Variants in TENM4 observed in about 807,000 individuals in gnomAD.
TENM4 encodes the protein teneurin transmembrane protein 4.
Under a neutral mutation model 243.3 loss-of-function variants are expected in TENM4, and 82 were observed. The observed-to-expected ratio is 0.34, with a 90% CI of 0.28 to 0.40. TENM4 has a LOEUF of 0.40. Ranked by LOEUF, TENM4 falls within the 10% of genes least tolerant of loss-of-function variation. The pLI, the probability that TENM4 is intolerant of heterozygous loss-of-function variation, is 1.00. For missense variants in TENM4, 3,138 were observed against 3,673.3 expected (o/e 0.85, Z 3.77); for synonymous variants, 1,412 against 1,456.3 (o/e 0.97, Z 0.69).
intron 5 of TENM4, among the ~76,000 whole-genome samples, chr11:79,066,682 ACG>A (rs1437375753): frequency 5.2e-4 from 78 of 151,190 alleles, no homozygotes; most frequent in African/African-American, 1.9e-3. Context: ...ACACACACGC[ACG>A]CATGCACACT....
intron 6 of TENM4, among the ~76,000 whole-genome samples, chr11:78,983,556 T>C (rs1857850818): frequency 6.6e-6 from 1 of 152,236 alleles, no homozygotes; most frequent in Non-Finnish European, 1.5e-5. Flanking sequence ...GGGGTTCTGA[T>C]GAAAAACCGA....
chr11:79,030,284 G>A (rs1021034528), intron 6 of TENM4, among the ~76,000 whole-genome samples: 2 of 152,140 alleles, frequency 1.3e-5, no homozygotes, highest in Non-Finnish European at 2.9e-5. Flanking sequence ...AAGGGAAATT[G>A]AGCCTCGAAG....
chr11:78,982,276 C>T (rs1857815717), intron 6 of TENM4, among the ~76,000 whole-genome samples: 1 of 152,102 alleles, frequency 6.6e-6, no homozygotes, highest in Non-Finnish European at 1.5e-5. Flanking sequence ...TGTGACACTC[C>T]TTGTCTAACA....
At chr11:78,757,732 C>A (rs755504801) in intron 18 of TENM4, among the ~76,000 whole-genome samples, 1 of 152,230 alleles carries the variant, frequency 6.6e-6, no homozygotes, top group Non-Finnish European at 1.5e-5. Flanking sequence ...CAATTCTCAG[C>A]GTCTCTCCCA....
chr11:79,253,855 A>G (rs1471915299), intron 2 of TENM4, among the ~76,000 whole-genome samples: 2 of 152,194 alleles, frequency 1.3e-5, no homozygotes, highest in Non-Finnish European at 2.9e-5. Flanking sequence ...AATCCAGTAG[A>G]AAAAAATAGA....
intron 2 of TENM4, among the ~76,000 whole-genome samples, chr11:79,247,435 AAAAAG>A (rs1208413039): frequency 7.9e-5 from 12 of 150,990 alleles, no homozygotes; most frequent in South Asian, 4.2e-4. Flanking sequence ...AAAAAAAAAA[AAAAAG>A]AAGAAGAAGA....
Position 78,903,256 on chromosome 11 carries a change from C to G in TENM4, c.749+12G>C. 2 of 1,488,040 alleles carry G rather than the reference C, an allele frequency of 1.3e-6. No individual in the cohort carries two copies. Among genetic ancestry groups the G allele is most frequent in the African/African-American group, 3.0e-5 (2 of 67,526 alleles). 92.2% of individuals were successfully genotyped at this position (1,488,040 alleles called of 1,614,324 possible). A position where few individuals can be genotyped will look rare whatever the true frequency, so the allele number is the denominator to read the frequency against. ...ACCCTCCTCAGCCTCACCCTCCCTACCGGCCGCGCACCTGGTCTCCAGGGG... is the reference window on the plus strand; with the variant it reads ...ACCCTCCTCAGCCTCACCCTCCCTAGCGGCCGCGCACCTGGTCTCCAGGGG... On this transcript the variant is annotated intron_variant, in intron 7 of 33. Transcript: ENST00000278550.
intron 3 of TENM4, among the ~76,000 whole-genome samples, chr11:79,172,764 G>A (rs1250503936): frequency 1.3e-5 from 2 of 150,466 alleles, no homozygotes; most frequent in Admixed American, 6.7e-5. Flanking sequence ...TCAACCTTCA[G>A]AGTAGCTGGG....
chr11:78,738,404 A>T (rs374233854), intron 20 of TENM4, 47 bp downstream of exon 20: 90 of 1,587,090 alleles, frequency 5.7e-5, no homozygotes, highest in Non-Finnish European at 7.1e-5. Context: ...TGGCAAGACC[A>T]CAAGAGCGGG....
chr11:78,771,950 A>G (rs1437828427), intron 17 of TENM4, among the ~76,000 whole-genome samples: 1 of 152,236 alleles, frequency 6.6e-6, no homozygotes, highest in African/African-American at 2.4e-5. Context: ...ACAGAAATGA[A>G]TAAGACCCGT....
chr11:78,787,148 C>G, intron 15 of TENM4, 65 bp from the exon 16 acceptor site: 1 of 1,470,424 alleles, frequency 6.8e-7, no homozygotes, highest in Non-Finnish European at 9.1e-7. Flanking sequence ...GCCAGAGGGG[C>G]AGGGGAGAGA....
At chr11:78,798,796 G>T (rs1336154663) in intron 15 of TENM4, among the ~76,000 whole-genome samples, 1 of 152,006 alleles carries the variant, frequency 6.6e-6, no homozygotes. Flanking sequence ...CCCTTTCAGG[G>T]TCTGGCTCAC....
intron 1 of TENM4, among the ~76,000 whole-genome samples, chr11:79,327,523 T>C (rs937672121): frequency 5.3e-5 from 8 of 152,208 alleles, no homozygotes; most frequent in East Asian, 1.9e-4. Flanking sequence ...TAGTGAGTTA[T>C]GCAACACAGT....
At chr11:79,373,639 T>C (rs969464306) in intron 1 of TENM4, among the ~76,000 whole-genome samples, 2 of 152,180 alleles carry the variant, frequency 1.3e-5, no homozygotes, top group South Asian at 2.1e-4. Context: ...TATGAAATTA[T>C]CAAATTCCTG....
chr11:79,038,967 C>A (rs1258855998), intron 6 of TENM4, among the ~76,000 whole-genome samples: 1 of 152,174 alleles, frequency 6.6e-6, no homozygotes, highest in East Asian at 1.9e-4. Context: ...AGGATTACAT[C>A]TAGAGTGATA....
At chr11:79,134,409 T>A (rs1362911980) in intron 4 of TENM4, among the ~76,000 whole-genome samples, 1 of 151,978 alleles carries the variant, frequency 6.6e-6, no homozygotes, top group Non-Finnish European at 1.5e-5. Flanking sequence ...ATTGTGAAAA[T>A]GATCATACTG....
intron 6 of TENM4, among the ~76,000 whole-genome samples, chr11:78,968,895 C>G (rs1365068154): frequency 2.0e-5 from 3 of 152,238 alleles, no homozygotes; most frequent in Admixed American, 6.5e-5. Context: ...CAGGGAAACA[C>G]AGCTAAAGCA....
At chr11:78,962,314 T>C (rs1857344699) in intron 6 of TENM4, 1 of 17,106 alleles carries the variant, frequency 5.8e-5, no homozygotes, top group African/African-American at 2.6e-4. Context: ...GACTGCTCAA[T>C]AGGGGTTGAT....
chr11:78,734,641 T>C (rs1265826055), intron 20 of TENM4, among the ~76,000 whole-genome samples: 1 of 152,138 alleles, frequency 6.6e-6, no homozygotes, highest in Non-Finnish European at 1.5e-5. Context: ...CTTTGTTGGA[T>C]GGAGAACTCC....
Sources: gnomAD v4.1 joint callset for allele counts (sites outside exome capture counted in the v4.1 genomes callset) on GRCh38, gnomAD v4.1.1 for gene constraint, MANE v1.5 for transcripts, NCBI Gene and HGNC (gene_info 2026-07-23, HGNC 2026-07-21) for gene names.